The following PHF21A variants were observed in gnomAD, a reference collection of about 807,000 sequenced individuals.
PHF21A encodes the protein BHC80a.
Under a neutral mutation model 82.5 loss-of-function variants are expected in PHF21A, and 11 were observed. That is an observed-to-expected ratio of 0.13 (90% CI 0.08 to 0.22). PHF21A has a LOEUF of 0.22. Among genes scored for constraint, PHF21A ranks in the 10% least tolerant of loss-of-function variants. PHF21A has a pLI of 1.00. For missense variants in PHF21A, 579 were observed against 837.8 expected, an observed-to-expected ratio of 0.69 and a Z score of 3.81; for synonymous variants, 297 against 302.8, an observed-to-expected ratio of 0.98 and a Z score of 0.20.
chr11:45,948,470 G>A (rs1297445793), intron 14 of PHF21A, among the ~76,000 whole-genome samples: 2 of 152,210 alleles, frequency 1.3e-5, no homozygotes, highest in African/African-American at 2.4e-5. Flanking sequence ...AAGAAACTCA[G>A]CGTCACACTC....
At chr11:46,071,062 ACT>A (rs1238306193) in intron 6 of PHF21A, among the ~76,000 whole-genome samples, 1 of 152,212 alleles carries the variant, frequency 6.6e-6, no homozygotes, top group Non-Finnish European at 1.5e-5. Context: ...TAGATGAATT[ACT>A]GTTTTCAATT....
intron 6 of PHF21A, among the ~76,000 whole-genome samples, chr11:46,065,941 G>C (rs1288000821): frequency 6.6e-6 from 1 of 152,208 alleles, no homozygotes; most frequent in Non-Finnish European, 1.5e-5. Context: ...ACCTGACTAT[G>C]CCATGAGATG....
At chr11:46,114,143 C>T (rs2097259287) in intron 1 of PHF21A, among the ~76,000 whole-genome samples, 1 of 151,992 alleles carries the variant, frequency 6.6e-6, no homozygotes, top group Admixed American at 6.6e-5. Context: ...ACAAAGAACA[C>T]TTAGAAAAAC....
At position 46,074,222 on chromosome 11, in the gene PHF21A, T is replaced by C. The variant is rs373263569; in HGVS notation, c.153+2532A>G. ...ATAATTAAAGTTTTCTAATAAATAT[T>C]GAAAAAAATGATTACAGAAAAATGC... On this transcript the variant is annotated intron_variant, in intron 6 of 18. Coordinates refer to ENST00000676320, the MANE Select transcript of PHF21A (RefSeq NM_001352027.3). Among the ~76,000 whole-genome samples, 471 of 151,602 alleles carry C rather than the reference T, an allele frequency of 3.1e-3. 3 individuals are homozygous for C. Among genetic ancestry groups the C allele is most frequent in the South Asian group, 0.011 (52 of 4,790 alleles).
intron 12 of PHF21A, 42 bp from the exon 13 acceptor site, chr11:45,949,523 G>T: frequency 6.6e-7 from 1 of 1,512,962 alleles, no homozygotes; most frequent in Non-Finnish European, 9.2e-7. Context: ...GAGGCATGGA[G>T]AACCTAAAAA....
At chr11:46,119,195 C>G (rs1026914378) in intron 1 of PHF21A, among the ~76,000 whole-genome samples, 2 of 152,086 alleles carry the variant, frequency 1.3e-5, no homozygotes, top group Non-Finnish European at 2.9e-5. Flanking sequence ...GTTCTTCCCT[C>G]TCTAACTTTC....
chr11:46,115,556 A>C (rs1367271184), intron 1 of PHF21A, among the ~76,000 whole-genome samples: 1 of 152,136 alleles, frequency 6.6e-6, no homozygotes, highest in Non-Finnish European at 1.5e-5. Context: ...AAAAACATAC[A>C]CCTGAGAAAA....
rs778970235 is a variant in PHF21A, at chr11:45,938,082, C to T, written c.1608+75G>A. On this transcript the variant is annotated intron_variant, in intron 16 of 18. Transcript: ENST00000676320. Reference sequence around the variant, plus strand: ...GAGAGAGAAGAGACTGCCATTTCCCCGGGAAAGGAATTCCTCCTGATGGCC... The same window carrying T: ...GAGAGAGAAGAGACTGCCATTTCCCTGGGAAAGGAATTCCTCCTGATGGCC... 24 of 1,305,010 alleles carry T rather than the reference C, an allele frequency of 1.8e-5. No homozygotes were observed. The Admixed American group carries it at 2.9e-4, about 16-fold the overall frequency. 80.8% of individuals were successfully genotyped at this position (1,305,010 alleles called of 1,614,324 possible). A position where few individuals can be genotyped will look rare whatever the true frequency, so the allele number is the denominator to read the frequency against.
intron 6 of PHF21A, among the ~76,000 whole-genome samples, chr11:46,068,433 G>A (rs2139732389): frequency 6.6e-6 from 1 of 152,268 alleles, no homozygotes; most frequent in Non-Finnish European, 1.5e-5. Flanking sequence ...GAGAGGTGGT[G>A]TCAGTTATAT....
intron 6 of PHF21A, among the ~76,000 whole-genome samples, chr11:46,005,009 G>A (rs933827024): frequency 2.6e-5 from 4 of 152,114 alleles, no homozygotes; most frequent in Admixed American, 6.5e-5. Flanking sequence ...TATGGAAAAT[G>A]AGATTATGCA....
intron 6 of PHF21A, among the ~76,000 whole-genome samples, chr11:46,065,772 G>T (rs929133735): frequency 6.6e-6 from 1 of 152,108 alleles, no homozygotes; most frequent in African/African-American, 2.4e-5. Flanking sequence ...GAAGCACTAG[G>T]GTATAAAGCG....
intron 11 of PHF21A, among the ~76,000 whole-genome samples, chr11:45,951,038 A>C (rs1261413030): frequency 6.6e-6 from 1 of 152,224 alleles, no homozygotes; most frequent in Non-Finnish European, 1.5e-5. Context: ...AGCTGGTCAA[A>C]ATACTGGGCC....
chr11:46,001,377 G>A (rs1338111793), intron 6 of PHF21A, among the ~76,000 whole-genome samples: 3 of 150,358 alleles, frequency 2.0e-5, no homozygotes, highest in Non-Finnish European at 4.4e-5. Flanking sequence ...TTTCTATTCC[G>A]ATAAAGTATT....
chr11:46,054,912 G>A (rs1555151461), intron 6 of PHF21A, among the ~76,000 whole-genome samples: 2 of 152,038 alleles, frequency 1.3e-5, no homozygotes, highest in Non-Finnish European at 2.9e-5. Context: ...ATCAGATAAG[G>A]AAAAAAAGTC....
chr11:46,110,341 CA>C (rs2097198078), intron 1 of PHF21A, among the ~76,000 whole-genome samples: 1 of 152,154 alleles, frequency 6.6e-6, no homozygotes, highest in Non-Finnish European at 1.5e-5. Flanking sequence ...GACATCATCA[CA>C]ACTGTTTCCT....
chr11:46,103,537 A>G (rs1428908419), intron 1 of PHF21A, among the ~76,000 whole-genome samples: 1 of 152,228 alleles, frequency 6.6e-6, no homozygotes, highest in South Asian at 2.1e-4. Context: ...ATGTTTTAGG[A>G]ACAGGGACAA....
intron 6 of PHF21A, among the ~76,000 whole-genome samples, chr11:46,054,356 G>A (rs894344651): frequency 6.6e-6 from 1 of 152,104 alleles, no homozygotes; most frequent in African/African-American, 2.4e-5. Flanking sequence ...TTTGTCCCCA[G>A]ATGATTCAGG....
At chr11:46,007,255 G>A (rs116512051) in intron 6 of PHF21A, among the ~76,000 whole-genome samples, 1,785 of 152,112 alleles carry the variant, frequency 0.012, 40 homozygotes, top group African/African-American at 0.04. Flanking sequence ...TCCAGGTAGC[G>A]CTGAAGCCAG....
intron 6 of PHF21A, among the ~76,000 whole-genome samples, chr11:46,040,888 AAGACACACACAC>A (rs1473768457): frequency 1.6e-5 from 2 of 122,772 alleles, no homozygotes; most frequent in South Asian, 2.6e-4. Flanking sequence ...CACTGACAGG[AAGACACACACAC>A]ACACACACAC....
Sources: allele counts gnomAD v4.1 joint callset (sites outside exome capture counted in the v4.1 genomes callset), GRCh38; gene constraint gnomAD v4.1.1; transcripts MANE v1.5; gene names NCBI Gene and HGNC (gene_info 2026-07-23, HGNC 2026-07-21).